Variants in CAPN5 observed in about 807,000 individuals in gnomAD.
CAPN5 encodes calpain-5.
A neutral mutation model predicts 73.0 loss-of-function variants in CAPN5; 54 were observed. The ratio of observed to expected loss-of-function variants is 0.74; its 90% CI spans 0.59 to 0.93. The LOEUF is 0.93. CAPN5 is among the 40% of genes least tolerant of loss of function. CAPN5 has a pLI of 0.00. For missense variants in CAPN5, 785 were observed against 882.9 expected (o/e 0.89, Z 1.41); for synonymous variants, 335 against 356.9 (o/e 0.94, Z 0.69).
Position 77,123,702 on chromosome 11 carries a change from A to G in CAPN5, c.1755A>G (p.Arg585=). 6.2e-7 allele frequency: 1 copy of G among 1,613,564 alleles called. No homozygotes were observed. The highest frequency in any genetic ancestry group is 8.5e-7 in the Non-Finnish European group (1 of 1,179,814). Residue 585 remains arginine (R), a synonymous_variant, in exon 13 of 13, where the codon CGA becomes CGG. Coordinates refer to ENST00000648180, the MANE Select transcript of CAPN5 (RefSeq NM_004055.5). ...TCTCTTCCCAGGTCTGGAACCACCGAGTGCTGAAGGATGAATTTCTGGGCC... is the reference window on the plus strand; with the variant it reads ...TCTCTTCCCAGGTCTGGAACCACCGGGTGCTGAAGGATGAATTTCTGGGCC... ...QPITVQVWNH[R]VLKDEFLGQV... is the part of the protein sequence containing the mutation.
chr11:77,125,872 T>C lies in CAPN5; in HGVS notation c.*2002T>C, dbSNP rs1950571112. The C allele has an allele frequency of 6.6e-6, 1 of 152,466 alleles. No homozygotes were observed. Among genetic ancestry groups the C allele is most frequent in the Non-Finnish European group, 1.5e-5 (1 of 68,044 alleles). The allele number at this position is 152,466 out of a possible 1,614,324, so 9.4% of individuals were successfully genotyped here. The stretch of plus-strand genomic sequence containing the variant: ...CAGGTTCCACAGTGCTACCCTTGCT[T>C]CCTGCCCCTTGAGGTGGGCCAGGCT... On this transcript the variant is annotated 3_prime_UTR_variant, in exon 13 of 13. Coordinates refer to ENST00000648180, the MANE Select transcript of CAPN5 (RefSeq NM_004055.5).
At chr11:77,095,511 G>T (rs1258493790) in intron 3 of CAPN5, among the ~76,000 whole-genome samples, 2 of 152,230 alleles carry the variant, frequency 1.3e-5, no homozygotes, top group African/African-American at 2.4e-5. Context: ...GAGCCCACTA[G>T]GGACCTGGAG....
Position 77,111,541 on chromosome 11 carries a change from G to A in CAPN5, c.298-1048G>A, listed in dbSNP as rs115415430. ...TGGTAGTCACAGGCATTTCCCAGATGCGTCATAAGTAATAAAATCAATGTC... is the reference window on the plus strand; with the variant it reads ...TGGTAGTCACAGGCATTTCCCAGATACGTCATAAGTAATAAAATCAATGTC... On this transcript the variant is annotated intron_variant, in intron 3 of 12. Coordinates refer to ENST00000648180, the MANE Select transcript of CAPN5 (RefSeq NM_004055.5). Among the ~76,000 whole-genome samples, 407 of 152,290 alleles carry A rather than the reference G, an allele frequency of 2.7e-3. 1 individual carries two copies. The highest frequency in any genetic ancestry group is 9.4e-3 in the African/African-American group (392 of 41,544).
chr11:77,118,721 C>T (rs911863155), intron 8 of CAPN5, among the ~76,000 whole-genome samples: 27 of 152,262 alleles, frequency 1.8e-4, no homozygotes, highest in African/African-American at 6.0e-4. Context: ...CCCACGGGGC[C>T]TCTCCCCACA....
chr11:77,085,900 G>A (rs1441427082), intron 2 of CAPN5, among the ~76,000 whole-genome samples: 4 of 152,218 alleles, frequency 2.6e-5, no homozygotes, highest in African/African-American at 9.6e-5. Context: ...CCCTCACAAT[G>A]CGGGAGACCA....
rs1950524281 is a variant in CAPN5, at chr11:77,121,972, G to A, written c.1526G>A (p.Ser509Asn). ...GATGAGCCCCCACACACCTGCTGGA[G>A]CTCCCTCTGTGGCTACCCCCAGCTG... ...RLDEPPHTCW[S>N]SLCGYPQLVT... The change falls in exon 11 of 13, where the codon AGC becomes AAC. Residue 509 changes from serine (S) to asparagine (N), a missense_variant. Coordinates refer to ENST00000648180, the MANE Select transcript of CAPN5 (RefSeq NM_004055.5). 1.3e-6 allele frequency: 2 copies of A among 1,560,526 alleles called. No individual in the cohort carries two copies. Among genetic ancestry groups the A allele is most frequent in the South Asian group, 1.2e-5 (1 of 84,478 alleles).
chr11:77,115,415 G>T lies in CAPN5; in HGVS notation c.720G>T (p.Met240Ile). ...ASIKAVTAAD[M>I]EARLACGLVK... ...CACAGGCAGTGACAGCAGCTGACAT[G>T]GAGGCCCGCCTGGCGTGCGGCCTGG... Residue 240 changes from methionine to isoleucine, a missense_variant, in exon 6 of 13, where the codon ATG (methionine) becomes ATT (isoleucine). Transcript: ENST00000648180. 6.2e-7 allele frequency: 1 copy of T among 1,604,078 alleles called. No individual in the cohort carries two copies. The highest frequency in any genetic ancestry group is 8.5e-7 in the Non-Finnish European group (1 of 1,172,786).
intron 1 of CAPN5, among the ~76,000 whole-genome samples, chr11:77,080,050 G>C (rs973567928): frequency 6.6e-6 from 1 of 152,118 alleles, no homozygotes; most frequent in Non-Finnish European, 1.5e-5. Flanking sequence ...GTAGGGGTAA[G>C]ACAACTGTTT....
intron 1 of CAPN5, among the ~76,000 whole-genome samples, chr11:77,069,504 C>G (rs553173354): frequency 3.3e-5 from 5 of 152,240 alleles, no homozygotes; most frequent in Non-Finnish European, 5.9e-5. Flanking sequence ...CTGGCTTCCC[C>G]CAAAAGCTTC....
chr11:77,070,354 A>G (rs1949889922), intron 1 of CAPN5, among the ~76,000 whole-genome samples: 1 of 152,144 alleles, frequency 6.6e-6, no homozygotes, highest in Non-Finnish European at 1.5e-5. Context: ...CTGGGAGCCC[A>G]TTGGCTTGAC....
In CAPN5 at chr11:77,118,331, C is replaced by T. The variant is rs781873483; in HGVS notation, c.1146C>T (p.Asp382=). Residue 382 remains aspartate, a synonymous_variant, in exon 8 of 13, where the codon GAC becomes GAT. Transcript: ENST00000648180. ...GTGGCGGCTGCATCAACCACAAGGA[C>T]ACCTTCTTCCAGAACCCACAGGTGG... ...NRGGGCINHK[D]TFFQNPQYIF... 2 of 1,595,286 alleles carry T rather than the reference C, an allele frequency of 1.3e-6. No individual in the cohort carries two copies. The highest frequency in any genetic ancestry group is 2.3e-5 in the South Asian group (2 of 88,792).
At position 77,123,882 on chromosome 11, in the gene CAPN5, C is replaced by G. The variant is rs1159401797; in HGVS notation, c.*12C>G. On this transcript the variant is annotated 3_prime_UTR_variant, in exon 13 of 13. Transcript: ENST00000648180. The stretch of plus-strand genomic sequence containing the variant: ...TCATGGCTGTCTGACACCTGCCCAC[C>G]TACCTGGCTCTGACCGTTCCCACCA... 48 of 1,610,060 alleles carry G rather than the reference C, an allele frequency of 3.0e-5. No individual in the cohort carries two copies. The highest frequency in any genetic ancestry group is 4.1e-5 in the Non-Finnish European group (48 of 1,178,396).
At chr11:77,070,705 C>T (rs998976644) in intron 1 of CAPN5, among the ~76,000 whole-genome samples, 3 of 152,214 alleles carry the variant, frequency 2.0e-5, no homozygotes, top group African/African-American at 7.2e-5. Flanking sequence ...GATTTATGCT[C>T]TTACAGTTCC....
intron 1 of CAPN5, among the ~76,000 whole-genome samples, chr11:77,082,893 G>A (rs1159087951): frequency 6.6e-6 from 1 of 152,216 alleles, no homozygotes; most frequent in Non-Finnish European, 1.5e-5. Flanking sequence ...GCTGATTTCT[G>A]GGCTCCTGCT....
rs79855552 is a variant in CAPN5 at position 77,069,321 on chromosome 11, A to C, written c.-36+2227A>C. On this transcript the variant is annotated intron_variant, in intron 1 of 12. Coordinates refer to ENST00000648180, the MANE Select transcript of CAPN5 (RefSeq NM_004055.5). ...ATGGTGTCTGGTAGCCATTGTTACT[A>C]ATAGCAGCTGGCAATCAGCATCACT... Among the ~76,000 whole-genome samples, 1,004 of 152,280 alleles carry C rather than the reference A, an allele frequency of 6.6e-3. 49 individuals are homozygous for C. In the East Asian group the frequency reaches 0.13, roughly 20 times the overall value.
At chr11:77,089,245 C>A (rs1248472858) in intron 2 of CAPN5, among the ~76,000 whole-genome samples, 2 of 152,202 alleles carry the variant, frequency 1.3e-5, no homozygotes, top group Non-Finnish European at 2.9e-5. Context: ...CAGTGTCTGC[C>A]TCAGGACACT....
At chr11:77,121,162 TC>T (rs1950517210) in intron 10 of CAPN5, among the ~76,000 whole-genome samples, 1 of 152,256 alleles carries the variant, frequency 6.6e-6, no homozygotes, top group African/African-American at 2.4e-5. Flanking sequence ...ATCTTGATCT[TC>T]CTGCATCCCT....
chr11:77,074,823 G>A (rs1182848529), intron 1 of CAPN5, among the ~76,000 whole-genome samples: 2 of 152,156 alleles, frequency 1.3e-5, no homozygotes, highest in Non-Finnish European at 2.9e-5. Flanking sequence ...CGGGGCAGTG[G>A]AGCACAGGAG....
chr11:77,101,482 C>G (rs1591132166), intron 3 of CAPN5, among the ~76,000 whole-genome samples: 1 of 152,200 alleles, frequency 6.6e-6, no homozygotes, highest in Admixed American at 6.5e-5. Flanking sequence ...CTCAAATACC[C>G]TTGGGGGAAT....
Sources: gnomAD v4.1 joint callset for allele counts (sites outside exome capture counted in the v4.1 genomes callset) on GRCh38, gnomAD v4.1.1 for gene constraint, MANE v1.5 for transcripts, NCBI Gene and HGNC (gene_info 2026-07-23, HGNC 2026-07-21) for gene names.